Variants in DYNC1I1 observed in about 807,000 individuals in gnomAD.
The protein encoded by DYNC1I1 is dynein cytoplasmic 1 intermediate chain 1, also known as cytoplasmic dynein 1 intermediate chain 1.
In DYNC1I1, 43 loss-of-function variants were observed where a neutral mutation model predicts 86.6. The ratio of observed to expected loss-of-function variants is 0.50; its 90% CI spans 0.39 to 0.64. The LOEUF (loss-of-function observed/expected upper bound fraction) is 0.64. DYNC1I1 is among the 30% of genes least tolerant of loss of function. The pLI, the probability that DYNC1I1 is intolerant of heterozygous loss-of-function variation, is 0.00. For missense variants in DYNC1I1, 604 were observed against 788.8 expected (o/e 0.77, Z 2.81); for synonymous variants, 262 against 283.7 (o/e 0.92, Z 0.77).
chr7:96,076,003 C>CA, intron 14 of DYNC1I1, 54 bp from the exon 15 acceptor site: 1 of 1,590,058 alleles, frequency 6.3e-7, no homozygotes, highest in Non-Finnish European at 8.6e-7. Flanking sequence ...GCTCTCTAGA[C>CA]AGCCCGAGGC....
At chr7:95,892,215 C>A (rs1260417349) in intron 6 of DYNC1I1, among the ~76,000 whole-genome samples, 1 of 152,018 alleles carries the variant, frequency 6.6e-6, no homozygotes, top group Non-Finnish European at 1.5e-5. Context: ...CAGCCCACTG[C>A]AACCTCCACC....
At chr7:95,967,827 C>T (rs1418185484) in intron 6 of DYNC1I1, among the ~76,000 whole-genome samples, 1 of 152,064 alleles carries the variant, frequency 6.6e-6, no homozygotes, top group Non-Finnish European at 1.5e-5. Flanking sequence ...AAGCATGAAC[C>T]AAGGTACAGA....
chr7:95,926,078 T>G (rs1454330371), intron 6 of DYNC1I1, among the ~76,000 whole-genome samples: 1 of 152,170 alleles, frequency 6.6e-6, no homozygotes, highest in Non-Finnish European at 1.5e-5. Flanking sequence ...CTACAGGAGT[T>G]AAAAATCATC....
chr7:96,043,167 CA>C (rs111888029), intron 14 of DYNC1I1, among the ~76,000 whole-genome samples: 3,224 of 63,442 alleles, frequency 0.051, 75 homozygotes, highest in African/African-American at 0.14. Context: ...GACTCCATCT[CA>C]AAAAAAAAAA....
At chr7:95,850,286 A>G (rs1008956372) in intron 5 of DYNC1I1, among the ~76,000 whole-genome samples, 3 of 152,066 alleles carry the variant, frequency 2.0e-5, no homozygotes, top group African/African-American at 7.2e-5. Context: ...CTTGTACCAG[A>G]TCTTTAAGGA....
At chr7:95,915,250 T>G (rs960474974) in intron 6 of DYNC1I1, among the ~76,000 whole-genome samples, 3 of 152,184 alleles carry the variant, frequency 2.0e-5, no homozygotes, top group Admixed American at 2.0e-4. Flanking sequence ...TTCCAGAAGC[T>G]TTGTGCATTA....
chr7:95,780,958 G>T (rs182546246), intron 1 of DYNC1I1, among the ~76,000 whole-genome samples: 1 of 152,020 alleles, frequency 6.6e-6, no homozygotes, highest in East Asian at 1.9e-4. Context: ...TATAGCAAGA[G>T]GTTGTGGGAA....
chr7:95,778,735 C>T (rs1030663816), intron 1 of DYNC1I1, among the ~76,000 whole-genome samples: 1 of 152,098 alleles, frequency 6.6e-6, no homozygotes, highest in Admixed American at 6.5e-5. Context: ...GATCATAACT[C>T]ACTGCAACTC....
chr7:95,935,892 A>C (rs917712855), intron 6 of DYNC1I1, among the ~76,000 whole-genome samples: 2 of 152,068 alleles, frequency 1.3e-5, no homozygotes, highest in African/African-American at 4.8e-5. Flanking sequence ...AATGAAATCA[A>C]AACCACAATG....
chr7:95,951,140 A>G (rs1311920249), intron 6 of DYNC1I1, among the ~76,000 whole-genome samples: 1 of 152,178 alleles, frequency 6.6e-6, no homozygotes, highest in Non-Finnish European at 1.5e-5. Flanking sequence ...AAGTTGTGTG[A>G]TATAATTGAA....
intron 6 of DYNC1I1, among the ~76,000 whole-genome samples, chr7:95,880,888 G>A (rs1315254348): frequency 2.6e-5 from 4 of 151,630 alleles, no homozygotes; most frequent in South Asian, 4.2e-4. Context: ...CTCACGATCC[G>A]CCCATCTCAG....
chr7:96,072,097 G>A (rs1299952803), intron 14 of DYNC1I1, among the ~76,000 whole-genome samples: 3 of 152,260 alleles, frequency 2.0e-5, no homozygotes, highest in Admixed American at 2.0e-4. Context: ...ATTTTATGCG[G>A]ATTAAATTAG....
chr7:95,875,106 G>A (rs1370565711), intron 6 of DYNC1I1, among the ~76,000 whole-genome samples: 1 of 152,120 alleles, frequency 6.6e-6, no homozygotes, highest in Non-Finnish European at 1.5e-5. Context: ...CAGCTGTGAG[G>A]GACAAGGCAG....
chr7:96,034,396 A>G (rs1488104868), intron 12 of DYNC1I1, among the ~76,000 whole-genome samples: 1 of 152,166 alleles, frequency 6.6e-6, no homozygotes, highest in Non-Finnish European at 1.5e-5. Context: ...TTAGGTTAAA[A>G]CCAGTAATAT....
chr7:96,089,204 G>T (rs1166239613), intron 16 of DYNC1I1, among the ~76,000 whole-genome samples: 2 of 147,940 alleles, frequency 1.4e-5, no homozygotes, highest in Non-Finnish European at 3.0e-5. Context: ...AATTCAGATT[G>T]TCAGCCCTCC....
chr7:95,860,775 G>T (rs1005514083), intron 5 of DYNC1I1, among the ~76,000 whole-genome samples: 1 of 152,122 alleles, frequency 6.6e-6, no homozygotes, highest in African/African-American at 2.4e-5. Context: ...CATGGCAAAA[G>T]GGGCAAATGC....
chr7:96,093,720 T>G (rs1212324196), intron 16 of DYNC1I1, among the ~76,000 whole-genome samples: 1 of 152,112 alleles, frequency 6.6e-6, no homozygotes, highest in Non-Finnish European at 1.5e-5. Flanking sequence ...AGAAAATGTT[T>G]CCAGATCCAC....
intron 5 of DYNC1I1, among the ~76,000 whole-genome samples, chr7:95,846,772 C>T (rs2116045058): frequency 6.6e-6 from 1 of 152,228 alleles, no homozygotes; most frequent in African/African-American, 2.4e-5. Flanking sequence ...ATCAGTCCTT[C>T]AGATGTTACA....
chr7:96,033,776 G>T (rs1285413591), intron 12 of DYNC1I1, among the ~76,000 whole-genome samples: 1 of 152,144 alleles, frequency 6.6e-6, no homozygotes, highest in Non-Finnish European at 1.5e-5. Context: ...TTGGGAGGCC[G>T]AGGTGAGAGA....
Sources: gnomAD v4.1 joint callset for allele counts (sites outside exome capture counted in the v4.1 genomes callset) on GRCh38, gnomAD v4.1.1 for gene constraint, MANE v1.5 for transcripts, NCBI Gene and HGNC (gene_info 2026-07-23, HGNC 2026-07-21) for gene names.